Variants in RIF1 observed in about 807,000 individuals in gnomAD.
RIF1 encodes telomere-associated protein RIF1.
A neutral mutation model predicts 247.1 loss-of-function variants in RIF1; 45 were observed. The observed-to-expected ratio is 0.18, with a 90% CI of 0.14 to 0.23. The LOEUF (loss-of-function observed/expected upper bound fraction) is 0.23, where lower values mean the gene tolerates loss of function less well. Ranked by LOEUF, RIF1 falls within the 10% of genes least tolerant of loss-of-function variation. RIF1 has a pLI of 1.00. For synonymous variants in RIF1, 1,087 were observed against 978.8 expected (o/e 1.11, Z -2.06); for missense variants, 2,967 against 2,862.5 (o/e 1.04, Z -0.83).
At chr2:151,458,219 A>G (rs535791741) in intron 24 of RIF1, among the ~76,000 whole-genome samples, 1 of 147,048 alleles carries the variant, frequency 6.8e-6, no homozygotes, top group African/African-American at 2.5e-5. Flanking sequence ...AGGACAGGAA[A>G]TAGATGATTT....
At chr2:151,506,662 CAT>C (rs1289163562) in intron 13 of RIF1, among the ~76,000 whole-genome samples, 8 of 152,296 alleles carry the variant, frequency 5.3e-5, no homozygotes, top group Admixed American at 2.0e-4. Flanking sequence ...CAAGACAACA[CAT>C]GTTACTGCCC....
chr2:151,462,510 T>G, intron 29 of RIF1, 44 bp downstream of exon 29: 1 of 1,254,996 alleles, frequency 8.0e-7, no homozygotes, highest in South Asian at 1.4e-5. Context: ...GAATCACCCT[T>G]CCATTATACA....
chr2:151,458,890 A>G lies in RIF1; in HGVS notation c.2935A>G (p.Ser979Gly), dbSNP rs1671227942. The part of the protein sequence containing the change: ...LETVEMMEES[S>G]GPYSDGTENS... ...AACTGTTGAAATGATGGAGGAATCC[A>G]GTGGACCATATTCTGATGGAGTAAG... The change falls in exon 25 of 36, where the codon AGT (serine) becomes GGT (glycine). Residue 979 changes from serine (S) to glycine (G), a missense_variant. By Grantham distance (56) the Ser-to-Gly change is moderately conservative. Coordinates refer to ENST00000444746, the MANE Select transcript of RIF1 (RefSeq NM_018151.5). 1 of 1,606,386 alleles carries G rather than the reference A, an allele frequency of 6.2e-7. No individual in the cohort carries two copies.
At chr2:151,504,507 C>G (rs534335738) in intron 12 of RIF1, among the ~76,000 whole-genome samples, 3 of 152,100 alleles carry the variant, frequency 2.0e-5, no homozygotes, top group Non-Finnish European at 4.4e-5. Context: ...GAAATCTGTA[C>G]CACAGAGTAT....
the RIF1 span, chr2:151,527,420 A>G: frequency 1.7e-6 from 2 of 1,182,274 alleles, no homozygotes; most frequent in African/African-American, 3.1e-5. Flanking sequence ...ATAAATAATT[A>G]TTCATTGTAT....
At chr2:151,488,688 T>C (rs2053415762) in intron 9 of RIF1, among the ~76,000 whole-genome samples, 1 of 152,122 alleles carries the variant, frequency 6.6e-6, no homozygotes, top group Non-Finnish European at 1.5e-5. Flanking sequence ...TTTGTACTTC[T>C]ACAATTTTGT....
intron 34 of RIF1, among the ~76,000 whole-genome samples, chr2:151,473,105 A>C (rs1340048774): frequency 6.6e-6 from 1 of 152,096 alleles, no homozygotes; most frequent in East Asian, 1.9e-4. Flanking sequence ...ATTACGAATA[A>C]TGCTGCTGTG....
At chr2:151,496,915 G>GTTTTT in intron 10 of RIF1, 1 of 1,527,576 alleles carries the variant, frequency 6.5e-7, no homozygotes, top group South Asian at 1.2e-5. Flanking sequence ...TCAGTAAGTA[G>GTTTTT]TTTTTTTCTT....
In RIF1 at chr2:151,435,518, A is replaced by G. The variant is rs1691002133; in HGVS notation, c.1133A>G (p.Gln378Arg). 6.2e-7 allele frequency: 1 copy of G among 1,613,318 alleles called. No homozygotes were observed. Among genetic ancestry groups the G allele is most frequent in the Non-Finnish European group, 8.5e-7 (1 of 1,179,340 alleles). The change falls in exon 11 of 36, where the codon CAG becomes CGG. Residue 378 changes from glutamine to arginine, a missense_variant. Coordinates refer to ENST00000444746, the MANE Select transcript of RIF1 (RefSeq NM_018151.5). ...AGCATTGATTCTAATGCCTCACCTC[A>G]GGGCAATTCGTGTCATGTAGCTACA... ...TISIDSNASP[Q>R]GNSCHVATSP...
At chr2:151,485,928 G>T, downstream of RIF1, 1 of 1,613,692 alleles carries the variant, frequency 6.2e-7, no homozygotes, top group South Asian at 1.1e-5. Context: ...TGGCACGGAA[G>T]ATTTTCTATT....
At chr2:151,456,061 T>C (rs1695144755) in intron 22 of RIF1, among the ~76,000 whole-genome samples, 1 of 152,022 alleles carries the variant, frequency 6.6e-6, no homozygotes, top group African/African-American at 2.4e-5. Flanking sequence ...TTTATTTGAA[T>C]CGAAGCAAGC....
intron 20 of RIF1, among the ~76,000 whole-genome samples, chr2:151,449,047 C>T (rs931236403): frequency 6.6e-6 from 1 of 152,060 alleles, no homozygotes; most frequent in East Asian, 1.9e-4. Flanking sequence ...TTGTTCCTTC[C>T]AGGGATTTGT....
rs559241120 is a variant in RIF1, at chr2:151,472,166, CTGTT to C, written c.7096-1794_7096-1791del. On this transcript the variant is annotated intron_variant, in intron 34 of 35. Coordinates refer to ENST00000444746, the MANE Select transcript of RIF1 (RefSeq NM_018151.5). ...GGGAGTTCACTCATGATTTGGCTCTCTGTTTGTCTGTTATTGATGTATATGAATG... is the reference window on the plus strand; with the variant it reads ...GGGAGTTCACTCATGATTTGGCTCTCTGTCTGTTATTGATGTATATGAATG... Among the ~76,000 whole-genome samples, 799 of 152,234 alleles carry C rather than the reference CTGTT, an allele frequency of 5.2e-3. 10 individuals are homozygous for C. The highest frequency in any genetic ancestry group is 0.018 in the African/African-American group (763 of 41,548).
chr2:151,450,702 G>C (rs1415380747), intron 20 of RIF1, among the ~76,000 whole-genome samples: 1 of 152,020 alleles, frequency 6.6e-6, no homozygotes, highest in Admixed American at 6.5e-5. Context: ...TCCTGCCCCA[G>C]CCTCCCGAGT....
chr2:151,443,410 TTTAAG>T, intron 17 of RIF1, 81 bp downstream of exon 17: 1 of 1,298,504 alleles, frequency 7.7e-7, no homozygotes, highest in Non-Finnish European at 1.1e-6. Context: ...ATTTCATAAG[TTTAAG>T]TTTTTTTAAA....
chr2:151,502,859 T>C lies in RIF1; in HGVS notation c.*710-175T>C, dbSNP rs753799779. The C allele has an allele frequency of 1.2e-6, 2 of 1,604,088 alleles. No individual in the cohort carries two copies. The highest frequency in any genetic ancestry group is 1.7e-6 in the Non-Finnish European group (2 of 1,174,804). On this transcript the variant is annotated intron_variant and NMD_transcript_variant, in intron 11 of 13. Transcript: ENST00000454583. ...CTGGAGTGATAGGTGTTGGGATTCC[T>C]TTCCCCAAATTTTCTTTGTACAAAA...
At chr2:151,474,477 G>A (rs1369715503) in intron 35 of RIF1, among the ~76,000 whole-genome samples, 2 of 152,160 alleles carry the variant, frequency 1.3e-5, no homozygotes, top group Admixed American at 6.5e-5. Context: ...TCAGGAGTTC[G>A]AGACCACTCT....
chr2:151,443,160 T>C, intron 16 of RIF1, 99 bp from the exon 17 acceptor site: 1 of 770,446 alleles, frequency 1.3e-6, no homozygotes, highest in Non-Finnish European at 2.1e-6. Context: ...AAGTTAAATT[T>C]GTCATGCTAA....
intron 21 of RIF1, among the ~76,000 whole-genome samples, chr2:151,451,938 C>G (rs2152439374): frequency 6.6e-6 from 1 of 152,120 alleles, no homozygotes; most frequent in Admixed American, 6.5e-5. Flanking sequence ...TTCTTTACTC[C>G]TTTTTACAAC....
Sources: allele counts gnomAD v4.1 joint callset (sites outside exome capture counted in the v4.1 genomes callset), GRCh38; gene constraint gnomAD v4.1.1; transcripts MANE v1.5; gene names NCBI Gene and HGNC (gene_info 2026-07-23, HGNC 2026-07-21).